The following PDSS2 variants were observed in gnomAD, a reference collection of about 807,000 sequenced individuals.
PDSS2 encodes the protein all trans-polyprenyl-diphosphate synthase PDSS2.
In PDSS2, 31 loss-of-function variants were observed where a neutral mutation model predicts 44.5. The observed-to-expected ratio is 0.70, with a 90% CI of 0.52 to 0.94. PDSS2 has a LOEUF of 0.94. Among genes scored for constraint, PDSS2 ranks in the 40% least tolerant of loss-of-function variants. PDSS2 has a pLI of 0.00. For missense variants in PDSS2, 452 were observed against 482.2 expected (o/e 0.94, Z 0.59); for synonymous variants, 157 against 180.3 (o/e 0.87, Z 1.03).
chr6:107,406,091 T>G (rs1472551028), intron 1 of PDSS2, among the ~76,000 whole-genome samples: 1 of 152,184 alleles, frequency 6.6e-6, no homozygotes. Context: ...AGTAAACTAC[T>G]GATCTATCTC....
chr6:107,298,851 A>C (rs564946655), intron 2 of PDSS2, among the ~76,000 whole-genome samples: 1 of 152,272 alleles, frequency 6.6e-6, no homozygotes, highest in South Asian at 2.1e-4. Flanking sequence ...AGAAACATAT[A>C]CCAAATAGGA....
intron 4 of PDSS2, among the ~76,000 whole-genome samples, chr6:107,236,058 C>T (rs867786911): frequency 6.6e-6 from 1 of 151,806 alleles, no homozygotes; most frequent in African/African-American, 2.4e-5. Flanking sequence ...TTTATGAAAA[C>T]CAACTCACAG....
At chr6:107,336,250 C>A (rs929408297) in intron 1 of PDSS2, among the ~76,000 whole-genome samples, 1 of 142,902 alleles carries the variant, frequency 7.0e-6, no homozygotes, top group Admixed American at 7.0e-5. Context: ...AGCGAGATTC[C>A]GTCTCAGAAA....
At chr6:107,251,998 A>C (rs922245388) in intron 3 of PDSS2, among the ~76,000 whole-genome samples, 1 of 152,216 alleles carries the variant, frequency 6.6e-6, no homozygotes, top group Admixed American at 6.5e-5. Flanking sequence ...GGATTTAAGC[A>C]AACCATCTAA....
intron 2 of PDSS2, among the ~76,000 whole-genome samples, chr6:107,279,107 C>A (rs1434126986): frequency 1.3e-5 from 2 of 152,060 alleles, no homozygotes; most frequent in African/African-American, 4.8e-5. Flanking sequence ...GTAATCCCAG[C>A]TATTTGGAGA....
At chr6:107,240,833 G>A (rs1296656854) in intron 4 of PDSS2, among the ~76,000 whole-genome samples, 2 of 152,038 alleles carry the variant, frequency 1.3e-5, no homozygotes, top group Admixed American at 1.3e-4. Flanking sequence ...AAAGAAAGCA[G>A]AATGGCTAAT....
rs60988844 is a variant in PDSS2 at position 107,227,278 on chromosome 6, C to CTTTTTTTTTT, written c.703-15006_703-14997dup. ...GATTATAGGTGTAAGCCACTGTGCC[C>CTTTTTTTTTT]TTTTTTTTTTTTTTTTTTTTTTTTT... On this transcript the variant is annotated intron_variant, in intron 4 of 7. Transcript: ENST00000369037. Among the ~76,000 whole-genome samples, 39 of 102,812 alleles carry CTTTTTTTTTT rather than the reference C, an allele frequency of 3.8e-4. 6 individuals are homozygous for CTTTTTTTTTT. The highest frequency in any genetic ancestry group is 5.8e-4 in the African/African-American group (15 of 26,008). The allele number at this position is 102,812 out of a possible 152,430, so 67.4% of individuals were successfully genotyped here.
Position 107,332,898 on chromosome 6 carries a change from T to C in PDSS2, c.431+1300A>G, listed in dbSNP as rs79532541. Among the ~76,000 whole-genome samples the C allele has an allele frequency of 4.6e-3, 708 of 152,280 alleles. 15 individuals are homozygous for C. The East Asian group carries it at 0.066, about 14-fold the overall frequency. ...CATCCCTTATAGTGAAGGGTATTTG[T>C]ATGGATGAATGGTAAAAGGTTTACA... On this transcript the variant is annotated intron_variant, in intron 2 of 7. Coordinates refer to ENST00000369037, the MANE Select transcript of PDSS2 (RefSeq NM_020381.4).
At chr6:107,388,693 C>T (rs1779688718) in intron 1 of PDSS2, among the ~76,000 whole-genome samples, 1 of 152,084 alleles carries the variant, frequency 6.6e-6, no homozygotes, top group Non-Finnish European at 1.5e-5. Flanking sequence ...CTTCTGACGT[C>T]GTGATCCACC....
At chr6:107,270,928 A>G (rs1775578472) in intron 3 of PDSS2, among the ~76,000 whole-genome samples, 1 of 152,264 alleles carries the variant, frequency 6.6e-6, no homozygotes, top group African/African-American at 2.4e-5. Context: ...GGAATTATTT[A>G]ACTGCTTTCA....
At chr6:107,332,891 G>A (rs1336156432) in intron 2 of PDSS2, among the ~76,000 whole-genome samples, 1 of 152,178 alleles carries the variant, frequency 6.6e-6, no homozygotes, top group African/African-American at 2.4e-5. Context: ...ATAGTGAAGG[G>A]TATTTGTATG....
chr6:107,188,897 A>T (rs6902270), intron 7 of PDSS2, among the ~76,000 whole-genome samples: 37,047 of 151,396 alleles, frequency 0.24, 5,577 homozygotes, highest in East Asian at 0.54. Flanking sequence ...AGCCAATTAA[A>T]CCTCTTTTCT....
At chr6:107,305,628 T>A (rs1251375308) in intron 2 of PDSS2, among the ~76,000 whole-genome samples, 4 of 152,236 alleles carry the variant, frequency 2.6e-5, no homozygotes, top group Non-Finnish European at 5.9e-5. Flanking sequence ...CAGGGATTCA[T>A]GTAATGTCAA....
chr6:107,451,781 C>A (rs1349407646), intron 1 of PDSS2, among the ~76,000 whole-genome samples: 1 of 152,162 alleles, frequency 6.6e-6, no homozygotes, highest in African/African-American at 2.4e-5. Flanking sequence ...GCCTTTGCAG[C>A]CTCCAATCTA....
chr6:107,306,049 C>T (rs1224954127), intron 2 of PDSS2, among the ~76,000 whole-genome samples: 2 of 152,152 alleles, frequency 1.3e-5, no homozygotes, highest in Non-Finnish European at 1.5e-5. Context: ...GATAGTTACC[C>T]AAAGAGGACA....
At chr6:107,433,441 T>A (rs1041760655) in intron 1 of PDSS2, among the ~76,000 whole-genome samples, 7 of 152,042 alleles carry the variant, frequency 4.6e-5, no homozygotes, top group African/African-American at 1.7e-4. Flanking sequence ...TGGAACAGAA[T>A]AGAGAACCCA....
chr6:107,373,283 T>C (rs1276182798), intron 1 of PDSS2, among the ~76,000 whole-genome samples: 1 of 152,040 alleles, frequency 6.6e-6, no homozygotes, highest in Non-Finnish European at 1.5e-5. Context: ...CTGCACCCGG[T>C]GTAATAATCC....
chr6:107,445,360 C>A (rs1279783111), intron 1 of PDSS2, among the ~76,000 whole-genome samples: 1 of 152,064 alleles, frequency 6.6e-6, no homozygotes, highest in Non-Finnish European at 1.5e-5. Flanking sequence ...CCAGCTTGGA[C>A]AAGTCCACTA....
chr6:107,379,606 A>G (rs1779394936), intron 1 of PDSS2, among the ~76,000 whole-genome samples: 1 of 152,190 alleles, frequency 6.6e-6, no homozygotes, highest in African/African-American at 2.4e-5. Context: ...AAATACACAT[A>G]ACTTGTTATC....
Sources: gnomAD v4.1 joint callset for allele counts (sites outside exome capture counted in the v4.1 genomes callset) on GRCh38, gnomAD v4.1.1 for gene constraint, MANE v1.5 for transcripts, NCBI Gene and HGNC (gene_info 2026-07-23, HGNC 2026-07-21) for gene names.